The following LDB2 variants were observed in gnomAD, a reference collection of about 807,000 sequenced individuals.
The protein encoded by LDB2 is LIM domain binding 2, also known as LIM domain-binding protein 2.
LDB2 carries 12 observed loss-of-function variants against 44.3 expected under a neutral mutation model. The observed-to-expected ratio is 0.27, with a 90% confidence interval of 0.17 to 0.44. LDB2 has a LOEUF of 0.44. LDB2 is among the 20% of genes least tolerant of loss of function. The pLI, the probability that LDB2 is intolerant of heterozygous loss-of-function variation, is 1.00. For missense variants in LDB2, 344 were observed against 473.5 expected (o/e 0.73, Z 2.54); for synonymous variants, 164 against 174.8 (o/e 0.94, Z 0.49).
intron 2 of LDB2, among the ~76,000 whole-genome samples, chr4:16,732,402 T>C (rs1274912122): frequency 2.0e-5 from 3 of 152,220 alleles, no homozygotes; most frequent in Non-Finnish European, 4.4e-5. Flanking sequence ...CAATGCTCTT[T>C]GCCACCATAG....
At chr4:16,509,191 T>G (rs1405152768) in intron 6 of LDB2, among the ~76,000 whole-genome samples, 1 of 152,220 alleles carries the variant, frequency 6.6e-6, no homozygotes, top group Non-Finnish European at 1.5e-5. Flanking sequence ...AATGTCATAT[T>G]GCAACCCACC....
intron 2 of LDB2, among the ~76,000 whole-genome samples, chr4:16,708,990 T>C (rs1207505750): frequency 1.3e-5 from 2 of 152,086 alleles, no homozygotes; most frequent in African/African-American, 4.8e-5. Flanking sequence ...TCCACTCCCT[T>C]CTTTACTCCC....
chr4:16,853,248 A>G (rs2110199950), intron 1 of LDB2, among the ~76,000 whole-genome samples: 1 of 152,350 alleles, frequency 6.6e-6, no homozygotes. Context: ...TAAAGGGTTA[A>G]TATCCCAAAT....
At chr4:16,656,130 G>A (rs535966745) in intron 2 of LDB2, among the ~76,000 whole-genome samples, 1 of 152,148 alleles carries the variant, frequency 6.6e-6, no homozygotes, top group East Asian at 1.9e-4. Context: ...CCGATCTCCG[G>A]ACCTCGTGAT....
chr4:16,690,003 G>A (rs1355905949), intron 2 of LDB2, among the ~76,000 whole-genome samples: 1 of 152,148 alleles, frequency 6.6e-6, no homozygotes, highest in African/African-American at 2.4e-5. Flanking sequence ...GCTTCAGAAA[G>A]GGTCAACCCA....
chr4:16,873,594 C>T (rs1717393138), intron 1 of LDB2, among the ~76,000 whole-genome samples: 1 of 152,032 alleles, frequency 6.6e-6, no homozygotes, highest in Non-Finnish European at 1.5e-5. Context: ...ATTCCAATTC[C>T]TAAAGAGTTT....
At chr4:16,743,869 G>A (rs1363496664) in intron 2 of LDB2, among the ~76,000 whole-genome samples, 2 of 152,176 alleles carry the variant, frequency 1.3e-5, no homozygotes, top group African/African-American at 4.8e-5. Flanking sequence ...GATAATACAT[G>A]TGTGTCATTT....
intron 1 of LDB2, among the ~76,000 whole-genome samples, chr4:16,789,086 G>T (rs990137169): frequency 6.6e-6 from 1 of 152,178 alleles, no homozygotes; most frequent in Non-Finnish European, 1.5e-5. Context: ...GCACACACTG[G>T]TTGGGGGAGG....
chr4:16,880,793 A>G (rs1719840506), intron 1 of LDB2, among the ~76,000 whole-genome samples: 1 of 151,476 alleles, frequency 6.6e-6, no homozygotes, highest in Non-Finnish European at 1.5e-5. Flanking sequence ...AGTCCCAGCT[A>G]CTTGGGAGGC....
chr4:16,741,840 T>C (rs1180808294), intron 2 of LDB2, among the ~76,000 whole-genome samples: 2 of 152,154 alleles, frequency 1.3e-5, no homozygotes, highest in Non-Finnish European at 2.9e-5. Flanking sequence ...CTTTACTTTA[T>C]AAACTCCTTA....
chr4:16,889,992 TA>T (rs1475074400), intron 1 of LDB2, among the ~76,000 whole-genome samples: 3 of 152,310 alleles, frequency 2.0e-5, no homozygotes, highest in Non-Finnish European at 4.4e-5. Context: ...TACCTGCAAA[TA>T]AAGCCAGCAC....
At chr4:16,821,485 G>A (rs1163139229) in intron 1 of LDB2, among the ~76,000 whole-genome samples, 3 of 150,156 alleles carry the variant, frequency 2.0e-5, no homozygotes, top group Admixed American at 2.0e-4. Flanking sequence ...CCGGGTTCAC[G>A]CCATTCTCCT....
At chr4:16,872,048 A>G (rs1201351821) in intron 1 of LDB2, among the ~76,000 whole-genome samples, 1 of 152,188 alleles carries the variant, frequency 6.6e-6, no homozygotes, top group Non-Finnish European at 1.5e-5. Context: ...AATAAAAAAT[A>G]TTGTATATTT....
intron 2 of LDB2, among the ~76,000 whole-genome samples, chr4:16,596,629 G>T (rs1721000160): frequency 6.6e-6 from 1 of 152,136 alleles, no homozygotes; most frequent in African/African-American, 2.4e-5. Context: ...TGTAAATACT[G>T]ATTATTCTAT....
At chr4:16,705,089 ATGAAAT>A (rs1295713638) in intron 2 of LDB2, among the ~76,000 whole-genome samples, 1 of 152,168 alleles carries the variant, frequency 6.6e-6, no homozygotes, top group East Asian at 1.9e-4. Context: ...GTTATTAATT[ATGAAAT>A]AATAATTATA....
rs545103699 is a variant in LDB2 at position 16,786,111 on chromosome 4, T to C, written c.133-26851A>G. Among the ~76,000 whole-genome samples, 3 of 152,314 alleles carry C rather than the reference T, an allele frequency of 2.0e-5. No homozygotes were observed. In the South Asian group the frequency reaches 6.2e-4, roughly 32 times the overall value. On this transcript the variant is annotated intron_variant, in intron 1 of 7. Transcript: ENST00000304523. ...CTTAAGAAGAAAGTTTAAACATATA[T>C]ATTTTAATTGAATTTCTTCTCAGCC...
chr4:16,701,487 C>T (rs953622554), intron 2 of LDB2, among the ~76,000 whole-genome samples: 1 of 152,212 alleles, frequency 6.6e-6, no homozygotes, highest in Admixed American at 6.5e-5. Flanking sequence ...CTAGAGTGAG[C>T]TTCTACTCTT....
In LDB2 at chr4:16,882,700, T is replaced by C. The variant is rs150698735; in HGVS notation, c.132+15654A>G. On this transcript the variant is annotated intron_variant, in intron 1 of 7. Transcript: ENST00000304523. ...ATAATAAACTATATTTTAATGTTTA[T>C]TTGTTTCAAATACAGTATTTTTTTT... 3.3e-3 allele frequency among the ~76,000 whole-genome samples: 510 copies of C among 152,340 alleles called. 4 individuals carry two copies. The highest frequency in any genetic ancestry group is 3.3e-3 in the African/African-American group (138 of 41,584).
chr4:16,862,176 A>G (rs1487185460), intron 1 of LDB2, among the ~76,000 whole-genome samples: 1 of 152,230 alleles, frequency 6.6e-6, no homozygotes, highest in East Asian at 1.9e-4. Flanking sequence ...CATGCTTAGT[A>G]TACAGAAATA....
Sources: allele counts gnomAD v4.1 joint callset (sites outside exome capture counted in the v4.1 genomes callset), GRCh38; gene constraint gnomAD v4.1.1; transcripts MANE v1.5; gene names NCBI Gene and HGNC (gene_info 2026-07-23, HGNC 2026-07-21).